Variants in USP36 observed in about 807,000 individuals in gnomAD.
USP36 encodes the protein ubiquitin carboxyl-terminal hydrolase 36.
A neutral mutation model predicts 111.5 loss-of-function variants in USP36; 59 were observed. That is an observed-to-expected ratio of 0.53 (90% CI 0.43 to 0.66). USP36 has a LOEUF of 0.66. Ranked by LOEUF, USP36 falls within the 30% of genes least tolerant of loss-of-function variation. The probability of loss-of-function intolerance (pLI) is 0.00; values close to 1 mark genes in which losing one functional copy is unlikely to be tolerated. For synonymous variants in USP36, 628 were observed against 581.0 expected (o/e 1.08, Z -1.16); for missense variants, 1,488 against 1,468.0 (o/e 1.01, Z -0.22).
At chr17:78,787,711 A>G (rs2093547273) in intron 3 of USP36, 1 of 152,230 alleles carries the variant, frequency 6.6e-6, no homozygotes, top group Non-Finnish European at 1.5e-5. Context: ...GAACCTTTCC[A>G]TACTGTTATG....
intron 8 of USP36, among the ~76,000 whole-genome samples, chr17:78,820,619 A>C (rs1322556417): frequency 1.3e-5 from 2 of 152,192 alleles, no homozygotes; most frequent in African/African-American, 4.8e-5. Flanking sequence ...CTGTAGCTGC[A>C]GCAGGATGTG....
At chr17:78,806,388 A>C in intron 14 of USP36, 102 bp from the exon 15 acceptor site, 1 of 1,511,034 alleles carries the variant, frequency 6.6e-7, no homozygotes, top group Non-Finnish European at 8.9e-7. Context: ...AAAACAAAAG[A>C]GCCCAGAAAA....
intron 7 of USP36, 30 bp from the exon 8 acceptor site, chr17:78,821,091 T>TG (rs768372537): frequency 6.3e-7 from 1 of 1,576,270 alleles, no homozygotes; most frequent in South Asian, 1.2e-5. Flanking sequence ...GTGGAGCAGG[T>TG]GGGGCCTGGC....
At chr17:78,828,145 T>C (rs1360798836) in intron 5 of USP36, among the ~76,000 whole-genome samples, 1 of 152,120 alleles carries the variant, frequency 6.6e-6, no homozygotes, top group Non-Finnish European at 1.5e-5. Flanking sequence ...GTCCAAGAGT[T>C]TGAGGCTGCA....
chr17:78,806,438 G>C (rs547314644), intron 14 of USP36, 152 bp from the exon 15 acceptor site: 28 of 969,366 alleles, frequency 2.9e-5, no homozygotes, highest in South Asian at 6.4e-5. Context: ...GGGGAGGTGA[G>C]GGGCAGGGGA....
chr17:78,791,610 C>T (rs1279986645), downstream of USP36, among the ~76,000 whole-genome samples: 1 of 152,194 alleles, frequency 6.6e-6, no homozygotes, highest in East Asian at 1.9e-4. Context: ...GCAATTTCCT[C>T]AATGCCTGGA....
chr17:78,800,361 C>G (rs981557983), intron 17 of USP36, among the ~76,000 whole-genome samples: 1 of 152,212 alleles, frequency 6.6e-6, no homozygotes, highest in Admixed American at 6.5e-5. Context: ...CAGGGGGAAC[C>G]TGGTCCCCAT....
Position 78,799,027 on chromosome 17 carries a change from C to A in USP36, c.3125-4G>T. The A allele has an allele frequency of 6.2e-7, 1 of 1,613,746 alleles. No individual in the cohort carries two copies. Among genetic ancestry groups the A allele is most frequent in the Non-Finnish European group, 8.5e-7 (1 of 1,179,966 alleles). On this transcript the variant is annotated splice_region_variant and splice_polypyrimidine_tract_variant and intron_variant, in intron 18 of 20. Transcript: ENST00000449938. ...ATCTTGCCATCCCAGGTCAGAACTA[C>A]CAGGCAGACACGGGGGTCAGCACGA... is the stretch of plus-strand genomic sequence containing the variant.
At position 78,803,906 on chromosome 17, in the gene USP36, G is replaced by A; in HGVS notation, c.2289C>T (p.Ser763=). 1 of 1,609,756 alleles carries A rather than the reference G, an allele frequency of 6.2e-7. No homozygotes were observed. The highest frequency in any genetic ancestry group is 8.5e-7 in the Non-Finnish European group (1 of 1,179,006). ...PPFSPHPTLL[S]STPKPPGTSE... is the part of the protein sequence containing the mutation. ...ACGTCCCTGGGGGCTTGGGGGTACT[G>A]GACAGCAATGTGGGGTGGGGGCTGA... Residue 763 remains serine, a synonymous_variant, in exon 16 of 21, where the codon TCC becomes TCT. Transcript: ENST00000449938. This position sits in a 1 kb window ranked among gnomAD's most constrained non-coding sequence, Gnocchi z 4.6.
chr17:78,806,017 G>T, intron 15 of USP36, 139 bp downstream of exon 15: 1 of 1,427,756 alleles, frequency 7.0e-7, no homozygotes, highest in South Asian at 1.3e-5. Context: ...GGTCAGTGAC[G>T]CCCCCCTGTA....
chr17:78,813,906 ACAAT>A, intron 11 of USP36, 33 bp from the exon 12 acceptor site: 1 of 1,586,606 alleles, frequency 6.3e-7, no homozygotes, highest in Non-Finnish European at 8.6e-7. Flanking sequence ...AGAAAACAAA[ACAAT>A]CAACAAGCAT....
At chr17:78,831,023 G>A (rs1599093981) in intron 4 of USP36, among the ~76,000 whole-genome samples, 1 of 151,246 alleles carries the variant, frequency 6.6e-6, no homozygotes, top group South Asian at 2.1e-4. Flanking sequence ...TCAGGAGGTT[G>A]AGACCATCCT....
At chr17:78,839,655 G>A (rs1203675582) in intron 1 of USP36, among the ~76,000 whole-genome samples, 1 of 152,210 alleles carries the variant, frequency 6.6e-6, no homozygotes, top group African/African-American at 2.4e-5. Flanking sequence ...TGTAGATGCA[G>A]AGATTTTGAA....
In USP36 at chr17:78,797,123, C is replaced by T. The variant is rs991164372; in HGVS notation, c.*777G>A. ...GTAAAATAAATGGAGAATTCTACCC[C>T]AAAGCCTCCACCTCAGTGAAGACCT... On this transcript the variant is annotated 3_prime_UTR_variant, in exon 21 of 21. Transcript: ENST00000449938. 4 of 152,246 alleles carry T rather than the reference C, an allele frequency of 2.6e-5. No homozygotes were observed. The highest frequency in any genetic ancestry group is 5.9e-5 in the Non-Finnish European group (4 of 68,050). 9.4% of individuals were successfully genotyped at this position (152,246 alleles called of 1,614,324 possible). A position where few individuals can be genotyped will look rare whatever the true frequency, so the allele number is the denominator to read the frequency against.
At position 78,803,813 on chromosome 17, in the gene USP36, A is replaced by T; in HGVS notation, c.2382T>A (p.Leu794=). ...LPQVNEDLVS[L]PHQLPEASEP... ...CACTGGCCTCTGGCAACTGGTGTGG[A>T]AGAGACACAAGGTCCTCGTTGACCT... Residue 794 remains leucine (L), a synonymous_variant, in exon 16 of 21, where the codon CTT becomes CTA. Coordinates refer to ENST00000449938, the MANE Select transcript of USP36 (RefSeq NM_001385174.1). The surrounding 1 kb of genome is among the most constrained non-coding windows in gnomAD (Gnocchi z 4.6). The T allele has an allele frequency of 6.2e-7, 1 of 1,612,856 alleles. No homozygotes were observed. The highest frequency in any genetic ancestry group is 1.3e-5 in the African/African-American group (1 of 74,974).
intron 3 of USP36, 58 bp from the exon 4 acceptor site, chr17:78,835,559 G>C (rs995961402): frequency 3.9e-6 from 6 of 1,520,782 alleles, no homozygotes; most frequent in Non-Finnish European, 5.3e-6. Flanking sequence ...CACACAGGTC[G>C]TCCACAAAAA....
rs2093923765 is a variant in USP36 at position 78,807,094 on chromosome 17, G to A, written c.1950C>T (p.His650=). ...SQETNCSTAG[H]SKTPPSGADS... ...CTGCTCCACTTGGCGGCGTTTTGGA[G>A]TGGCCAGCGGTGGAACAGTTCGTTT... The change falls in exon 14 of 21, where the codon CAC becomes CAT. Residue 650 remains histidine, a synonymous_variant. Coordinates refer to ENST00000449938, the MANE Select transcript of USP36 (RefSeq NM_001385174.1). 10 of 1,614,124 alleles carry A rather than the reference G, an allele frequency of 6.2e-6. No homozygotes were observed. The highest frequency in any genetic ancestry group is 8.5e-6 in the Non-Finnish European group (10 of 1,180,048).
In USP36 at chr17:78,807,312, C is replaced by A; in HGVS notation, c.1732G>T (p.Val578Phe). 6.2e-7 allele frequency: 1 copy of A among 1,614,214 alleles called. No homozygotes were observed. Among genetic ancestry groups the A allele is most frequent in the East Asian group, 2.2e-5 (1 of 44,874 alleles). Residue 578 changes from valine (V) to phenylalanine (F), a missense_variant, in exon 14 of 21, where the codon GTC becomes TTC. Val to Phe is a conservative substitution (Grantham distance 50). This residue lies in a region of USP36 where 1,073 missense variants were observed against 994.1 expected (regional missense o/e 1.08). Transcript: ENST00000449938. ...AGGAGCTTAGGTGAGGTAGAGAGGA[C>A]AACATCCCTGCTGTCCCAGGAGCCC... is the stretch of plus-strand genomic sequence containing the variant. Reference protein sequence around the residue: ...RQGSWDSRDVVLSTSPKLLAT... With the variant: ...RQGSWDSRDVFLSTSPKLLAT...
chr17:78,803,859 G>C lies in USP36; in HGVS notation c.2336C>G (p.Ser779Cys). The C allele has an allele frequency of 6.2e-7, 1 of 1,612,448 alleles. No individual in the cohort carries two copies. Among genetic ancestry groups the C allele is most frequent in the South Asian group, 1.1e-5 (1 of 91,056 alleles). ...PGTSEPRSCSSISTALPQVNE... is the reference protein window; with the variant it reads ...PGTSEPRSCSCISTALPQVNE... ...GACCTGAGGCAGCGCCGTCGAGATG[G>C]AGGAGCAGCTCCGTGGTTCTGACGT... Residue 779 changes from serine to cysteine, a missense_variant, in exon 16 of 21, where the codon TCC becomes TGC. Physicochemically the swap from Ser to Cys is moderately radical, Grantham distance 112 (BLOSUM62 -1). This residue lies in a region of USP36 where 1,073 missense variants were observed against 994.1 expected (regional missense o/e 1.08). Transcript: ENST00000449938. The surrounding 1 kb of genome is among the most constrained non-coding windows in gnomAD (Gnocchi z 4.6).
Sources: allele counts gnomAD v4.1 joint callset (sites outside exome capture counted in the v4.1 genomes callset), GRCh38; gene constraint gnomAD v4.1.1; regional missense constraint gnomAD v4.1.1; non-coding constraint Gnocchi (gnomAD v3.1); transcripts MANE v1.5; gene names NCBI Gene and HGNC (gene_info 2026-07-23, HGNC 2026-07-21).